CACNB3: variants seen among roughly 807,000 people sequenced by gnomAD.
The protein encoded by CACNB3 is voltage-dependent L-type calcium channel subunit beta-3.
Under a neutral mutation model 63.7 loss-of-function variants are expected in CACNB3, and 36 were observed. That is an observed-to-expected ratio of 0.57 (90% CI 0.43 to 0.75). The LOEUF is 0.75. CACNB3 is among the 30% of genes least tolerant of loss of function. The probability of loss-of-function intolerance (pLI) is 0.00; values close to 1 mark genes in which losing one functional copy is unlikely to be tolerated. For synonymous variants in CACNB3, 241 were observed against 250.6 expected, an observed-to-expected ratio of 0.96 and a Z score of 0.36; for missense variants, 493 against 648.6, an observed-to-expected ratio of 0.76 and a Z score of 2.61.
rs1027594553 is a variant in CACNB3 at position 48,828,399 on chromosome 12, G to A, written c.*500G>A. On this transcript the variant is annotated 3_prime_UTR_variant, in exon 13 of 13. Coordinates refer to ENST00000301050, the MANE Select transcript of CACNB3 (RefSeq NM_000725.4). ...CCTCACTGCCATACATTAGAAATGA[G>A]ACAATCAAAGCCCCCCCAGGGTGGC... 1.5e-5 allele frequency: 5 copies of A among 329,658 alleles called. No homozygotes were observed. The highest frequency in any genetic ancestry group is 3.0e-5 in the Non-Finnish European group (5 of 166,654). 20.4% of individuals were successfully genotyped at this position (329,658 alleles called of 1,614,324 possible).
rs776867908 is a variant in CACNB3, at chr12:48,818,944, C to CT, written c.16dup (p.Tyr6LeufsTer6). 2 of 1,602,768 alleles carry CT rather than the reference C, an allele frequency of 1.2e-6. No homozygotes were observed. The highest frequency in any genetic ancestry group is 4.5e-5 in the East Asian group (2 of 44,256). Reference sequence around the variant, plus strand: ...CGGACTCCCCCATGTATGACGACTCCTACGTGCCCGGGTTTGAGGACTCGG... The same window carrying CT: ...CGGACTCCCCCATGTATGACGACTCCTTACGTGCCCGGGTTTGAGGACTCGG... On this transcript the variant is annotated frameshift_variant, in exon 1 of 13. Transcript: ENST00000301050. LOFTEE classifies it high-confidence loss of function. The surrounding 1 kb of genome is among the most constrained non-coding windows in gnomAD (Gnocchi z 4.3).
rs1230245401 is a variant in CACNB3 at position 48,828,014 on chromosome 12, C to G, written c.*115C>G. The G allele has an allele frequency of 1.1e-6, 1 of 892,672 alleles. No homozygotes were observed. 55.3% of individuals were successfully genotyped at this position (892,672 alleles called of 1,614,324 possible). On this transcript the variant is annotated 3_prime_UTR_variant, in exon 13 of 13. Transcript: ENST00000301050. ...TGGCACTAGGCTCAGCCCCCAAAAC[C>G]CCCTGCCCAGCCCCAGCTTCAGGGC...
rs1399621102 is a variant in CACNB3 at position 48,826,939 on chromosome 12, G to A, written c.991-35G>A. 3 of 1,613,436 alleles carry A rather than the reference G, an allele frequency of 1.9e-6. No homozygotes were observed. The highest frequency in any genetic ancestry group is 1.3e-5 in the African/African-American group (1 of 74,890). On this transcript the variant is annotated intron_variant, in intron 11 of 12. Transcript: ENST00000301050. The surrounding 1 kb of genome is among the most constrained non-coding windows in gnomAD (Gnocchi z 4.8). Reference sequence around the variant, plus strand: ...GATGGGTGGGGGGCTGCTACTGAGGGGAAACCAACGTTGCGCCTTCCTCCC... The same window carrying A: ...GATGGGTGGGGGGCTGCTACTGAGGAGAAACCAACGTTGCGCCTTCCTCCC...
chr12:48,816,828 G>C, upstream of CACNB3: 1 of 985,444 alleles, frequency 1.0e-6, no homozygotes, highest in Non-Finnish European at 1.2e-6. Context: ...TGGATGCAGG[G>C]ATGGGAAGAG....
chr12:48,814,489 G>A, upstream of CACNB3: 1 of 1,530,484 alleles, frequency 6.5e-7, no homozygotes, highest in Non-Finnish European at 8.7e-7. This position sits in a 1 kb window ranked among gnomAD's most constrained non-coding sequence, Gnocchi z 6.9. Context: ...TGTACTCCCT[G>A]CTGCCCAGTC....
chr12:48,814,573 C>G, upstream of CACNB3: 1 of 1,505,918 alleles, frequency 6.6e-7, no homozygotes, highest in South Asian at 1.2e-5. This position sits in a 1 kb window ranked among gnomAD's most constrained non-coding sequence, Gnocchi z 6.9. Flanking sequence ...GGCTAGGGTC[C>G]CGGAAGGGCG....
At position 48,826,994 on chromosome 12, in the gene CACNB3, G is replaced by A; in HGVS notation, c.1011G>A (p.Leu337=). Residue 337 remains leucine, a synonymous_variant, in exon 12 of 13, where the codon CTG becomes CTA. Transcript: ENST00000301050. The surrounding 1 kb of genome is among the most constrained non-coding windows in gnomAD (Gnocchi z 4.8). ...QCPPESFDVI[L]DENQLEDACE... The stretch of plus-strand genomic sequence containing the variant: ...CCCAGGAGTCATTTGATGTGATTCT[G>A]GATGAGAACCAGCTGGAGGATGCCT... 6.2e-7 allele frequency: 1 copy of A among 1,614,114 alleles called. No individual in the cohort carries two copies. The highest frequency in any genetic ancestry group is 8.5e-7 in the Non-Finnish European group (1 of 1,180,024).
chr12:48,827,241 C>A (rs1156738978), intron 12 of CACNB3, 118 bp downstream of exon 12: 16 of 1,281,060 alleles, frequency 1.2e-5, no homozygotes, highest in Non-Finnish European at 1.6e-5. Flanking sequence ...GTAGAACTCT[C>A]AGCTCTGCTG....
Position 48,826,286 on chromosome 12 carries a change from C to T in CACNB3, c.743-81C>T. ...TTTTCCTCCAATTCCTTCCTGTCCACCATTCGGGAGCCCTCAAAGCCTGCT... is the reference window on the plus strand; with the variant it reads ...TTTTCCTCCAATTCCTTCCTGTCCATCATTCGGGAGCCCTCAAAGCCTGCT... On this transcript the variant is annotated intron_variant, in intron 9 of 12. Transcript: ENST00000301050. The surrounding 1 kb of genome is among the most constrained non-coding windows in gnomAD (Gnocchi z 4.8). 7.0e-7 allele frequency: 1 copy of T among 1,423,856 alleles called. No homozygotes were observed. Among genetic ancestry groups the T allele is most frequent in the Non-Finnish European group, 9.8e-7 (1 of 1,015,480 alleles). 88.2% of individuals were successfully genotyped at this position (1,423,856 alleles called of 1,614,324 possible). A position where few individuals can be genotyped will look rare whatever the true frequency, so the allele number is the denominator to read the frequency against.
In CACNB3 at chr12:48,826,778, G is replaced by A. The variant is rs759601414; in HGVS notation, c.914G>A (p.Arg305His). 13 of 1,613,812 alleles carry A rather than the reference G, an allele frequency of 8.1e-6. No individual in the cohort carries two copies. Among genetic ancestry groups the A allele is most frequent in the East Asian group, 2.2e-5 (1 of 44,880 alleles). Residue 305 changes from arginine (R) to histidine (H), a missense_variant, in exon 11 of 13, where the codon CGC (arginine) becomes CAC (histidine). Coordinates refer to ENST00000301050, the MANE Select transcript of CACNB3 (RefSeq NM_000725.4). The surrounding 1 kb of genome is among the most constrained non-coding windows in gnomAD (Gnocchi z 4.8). ...SSPKVLQRLI[R>H]SRGKSQMKHL... ...GCTCAGGTACTCCAGCGTCTCATTC[G>A]CTCCCGGGGGAAGTCACAGATGAAG...
At position 48,827,833 on chromosome 12, in the gene CACNB3, C is replaced by T. The variant is rs762709200; in HGVS notation, c.1389C>T (p.Asp463=). The change falls in exon 13 of 13, where the codon GAC becomes GAT. Residue 463 remains aspartate, a synonymous_variant. Transcript: ENST00000301050. ...HDPQDRLLAQ[D]SEHNHSDRNW... ...CCCAAGACCGGCTTCTAGCCCAGGA[C>T]TCAGAGCACAACCACAGTGACCGGA... 6.2e-6 allele frequency: 10 copies of T among 1,614,010 alleles called. No individual in the cohort carries two copies. Among genetic ancestry groups the T allele is most frequent in the Admixed American group, 1.7e-5 (1 of 60,006 alleles).
upstream of CACNB3, chr12:48,815,740 G>T (rs1191537670): frequency 2.8e-6 from 4 of 1,406,890 alleles, no homozygotes; most frequent in East Asian, 7.7e-5. Context: ...TAACCGTGGG[G>T]GGGGTGTGGG....
Position 48,826,623 on chromosome 12 carries a change from C to A in CACNB3, c.894+105C>A. The A allele has an allele frequency of 6.8e-7, 1 of 1,470,178 alleles. No individual in the cohort carries two copies. The highest frequency in any genetic ancestry group is 9.5e-7 in the Non-Finnish European group (1 of 1,054,582). 91.1% of individuals were successfully genotyped at this position (1,470,178 alleles called of 1,614,324 possible). On this transcript the variant is annotated intron_variant, in intron 10 of 12. Coordinates refer to ENST00000301050, the MANE Select transcript of CACNB3 (RefSeq NM_000725.4). The surrounding 1 kb of genome is among the most constrained non-coding windows in gnomAD (Gnocchi z 4.8). ...GGGGCACCTGAGTTCCCTTTTCCTG[C>A]TGCCCTTAACACAACTCTGAGTCAT... is the stretch of plus-strand genomic sequence containing the variant.
intron 12 of CACNB3, 70 bp downstream of exon 12, chr12:48,827,193 G>A (rs1938189204): frequency 1.9e-6 from 3 of 1,558,844 alleles, no homozygotes. Context: ...CTGCCCAGAG[G>A]ACTGTCCTTG....
At position 48,824,366 on chromosome 12, in the gene CACNB3, A is replaced by C. The variant is rs1938013365; in HGVS notation, c.400A>C (p.Lys134Gln). Reference sequence around the variant, plus strand: ...GAGCATCCGGCTCAAACAGGAGCAGAAGGCCAGGTGAGAGTTGGGCCATGA... The same window carrying C: ...GAGCATCCGGCTCAAACAGGAGCAGCAGGCCAGGTGAGAGTTGGGCCATGA... ...LESIRLKQEQ[K>Q]ARRSGNPSSL... Residue 134 changes from lysine to glutamine, a missense_variant, in exon 4 of 13, where the codon AAG becomes CAG. Coordinates refer to ENST00000301050, the MANE Select transcript of CACNB3 (RefSeq NM_000725.4). 2.5e-6 allele frequency: 4 copies of C among 1,606,186 alleles called. No homozygotes were observed. The East Asian group carries it at 9.0e-5, about 36-fold the overall frequency.
chr12:48,825,221 G>T lies in CACNB3; in HGVS notation c.551G>T (p.Gly184Val), dbSNP rs375542549. 1.2e-6 allele frequency: 2 copies of T among 1,613,966 alleles called. No homozygotes were observed. Among genetic ancestry groups the T allele is most frequent in the Non-Finnish European group, 1.7e-6 (2 of 1,180,028 alleles). Reference sequence around the variant, plus strand: ...TCCATGCGGCCTGTGGTGCTGGTGGGACCCTCTCTGAAAGGTTATGAGGTG... The same window carrying T: ...TCCATGCGGCCTGTGGTGCTGGTGGTACCCTCTCTGAAAGGTTATGAGGTG... ...VPSMRPVVLVGPSLKGYEVTD... is the reference protein window; with the variant it reads ...VPSMRPVVLVVPSLKGYEVTD... The change falls in exon 7 of 13, where the codon GGA becomes GTA. Residue 184 changes from glycine to valine, a missense_variant. Gly to Val is a moderately radical substitution (Grantham distance 109). Transcript: ENST00000301050. The surrounding 1 kb of genome is among the most constrained non-coding windows in gnomAD (Gnocchi z 4.5).
At chr12:48,824,925 T>C in intron 5 of CACNB3, 24 bp from the exon 6 acceptor site, 1 of 1,613,104 alleles carries the variant, frequency 6.2e-7, no homozygotes, top group Non-Finnish European at 8.5e-7. Flanking sequence ...CCAACTTTAA[T>C]CTTGTATTTC....
At chr12:48,819,189 G>T (rs1355649316) in intron 1 of CACNB3, among the ~76,000 whole-genome samples, 1 of 152,068 alleles carries the variant, frequency 6.6e-6, no homozygotes, top group Non-Finnish European at 1.5e-5. Context: ...GTGCAGAGAG[G>T]GGGCAGTATA....
In CACNB3 at chr12:48,825,420, A is replaced by G; in HGVS notation, c.574-14A>G. On this transcript the variant is annotated splice_polypyrimidine_tract_variant and intron_variant, in intron 7 of 12. Transcript: ENST00000301050. The surrounding 1 kb of genome is among the most constrained non-coding windows in gnomAD (Gnocchi z 4.5). Reference sequence around the variant, plus strand: ...TCCAAAGGGGCCCTTCATCAGTGCCATGCCTTCCCCCAGGTCACAGACATG... The same window carrying G: ...TCCAAAGGGGCCCTTCATCAGTGCCGTGCCTTCCCCCAGGTCACAGACATG... 1.9e-6 allele frequency: 3 copies of G among 1,614,106 alleles called. No homozygotes were observed. The highest frequency in any genetic ancestry group is 2.5e-6 in the Non-Finnish European group (3 of 1,179,990).
Sources: gnomAD v4.1 joint callset for allele counts (sites outside exome capture counted in the v4.1 genomes callset) on GRCh38, gnomAD v4.1.1 for gene constraint, Gnocchi (gnomAD v3.1) non-coding constraint, MANE v1.5 for transcripts, NCBI Gene and HGNC (gene_info 2026-07-23, HGNC 2026-07-21) for gene names.